KTN1: variants seen among roughly 807,000 people sequenced by gnomAD.
KTN1 encodes the protein kinectin 1.
A neutral mutation model predicts 222.5 loss-of-function variants in KTN1; 130 were observed. That is an observed-to-expected ratio of 0.58 (90% CI 0.51 to 0.68). KTN1 has a LOEUF of 0.68. Ranked by LOEUF, KTN1 falls within the 30% of genes least tolerant of loss-of-function variation. KTN1 has a pLI of 0.00. For missense variants in KTN1, 1,508 were observed against 1,500.4 expected (o/e 1.01, Z -0.08); for synonymous variants, 512 against 496.3 (o/e 1.03, Z -0.42).
At chr14:55,650,780 G>A (rs1253785510) in intron 24 of KTN1, 143 bp downstream of exon 24, 1 of 546,094 alleles carries the variant, frequency 1.8e-6, no homozygotes. Context: ...TTTTTTGCCT[G>A]ATTTGAGAAA....
rs370535364 is a variant in KTN1, at chr14:55,650,365, G to T, written c.2443G>T (p.Glu815Ter). The change falls in exon 23 of 44, where the codon GAG (glutamate) becomes TAG (stop). Residue 815 changes from glutamate (E) to a stop codon, truncating the protein, a stop_gained. Transcript: ENST00000395314. LOFTEE classifies it high-confidence loss of function. ...EKDGKIKSVE[E>*]LLEAELLKVA... ...AGATGGAAAGATCAAGTCTGTAGAA[G>T]AGCTTCTGGAGGCAGAACTTCTCAA... 1 of 1,610,898 alleles carries T rather than the reference G, an allele frequency of 6.2e-7. No individual in the cohort carries two copies. Among genetic ancestry groups the T allele is most frequent in the Non-Finnish European group, 8.5e-7 (1 of 1,178,774 alleles).
chr14:55,667,327 T>C lies in KTN1; in HGVS notation c.3264T>C (p.Asn1088=). Reference sequence around the variant, plus strand: ...TTCCAAAGGTGTCTGTCCCTTCTAATTTGGTAAGACTAATTTATTATTTTT... The same window carrying C: ...TTCCAAAGGTGTCTGTCCCTTCTAACTTGGTAAGACTAATTTATTATTTTT... ...KLFPKVSVPS[N]LSYGEWLHGF... is the part of the protein sequence containing the mutation. The change falls in exon 34 of 44, where the codon AAT becomes AAC. Residue 1088 remains asparagine (N), a synonymous_variant. Transcript: ENST00000395314. 1 of 1,556,594 alleles carries C rather than the reference T, an allele frequency of 6.4e-7. No homozygotes were observed. Among genetic ancestry groups the C allele is most frequent in the Non-Finnish European group, 8.8e-7 (1 of 1,136,974 alleles).
chr14:55,636,170 A>G (rs2041104499), intron 9 of KTN1, among the ~76,000 whole-genome samples: 1 of 152,238 alleles, frequency 6.6e-6, no homozygotes, highest in African/African-American at 2.4e-5. Context: ...TGTATATAGT[A>G]GTAGCTATCT....
intron 41 of KTN1, among the ~76,000 whole-genome samples, chr14:55,677,306 G>A (rs571913461): frequency 3.3e-5 from 5 of 151,938 alleles, no homozygotes; most frequent in South Asian, 2.1e-4. Flanking sequence ...TGAAACCCCC[G>A]TCTCTACTAA....
At position 55,612,367 on chromosome 14, in the gene KTN1, A is replaced by T. The variant is rs779730040; in HGVS notation, c.319A>T (p.Thr107Ser). The change falls in exon 2 of 44, where the codon ACT becomes TCT. Residue 107 changes from threonine to serine, a missense_variant. Coordinates refer to ENST00000395314, the MANE Select transcript of KTN1 (RefSeq NM_001079521.2). Reference sequence around the variant, plus strand: ...ACCTGTTCCATTGAATGTCGTTGAAACTTCAAGTAGTGTTAGGGAAAGAAA... The same window carrying T: ...ACCTGTTCCATTGAATGTCGTTGAATCTTCAAGTAGTGTTAGGGAAAGAAA... Reference protein sequence around the residue: ...VAPVPLNVVETSSSVRERKKK... With the variant: ...VAPVPLNVVESSSSVRERKKK... The T allele has an allele frequency of 1.2e-6, 2 of 1,614,140 alleles. No individual in the cohort carries two copies. The highest frequency in any genetic ancestry group is 3.3e-5 in the Admixed American group (2 of 60,016).
At chr14:55,641,378 A>G (rs1031529101) in intron 17 of KTN1, among the ~76,000 whole-genome samples, 170 bp downstream of exon 17, 1 of 152,034 alleles carries the variant, frequency 6.6e-6, no homozygotes, top group Non-Finnish European at 1.5e-5. Flanking sequence ...CTTTCCCCCT[A>G]GATTATCTGT....
At position 55,678,300 on chromosome 14, in the gene KTN1, A is replaced by T. The variant is rs45458197; in HGVS notation, c.3856-52A>T. On this transcript the variant is annotated intron_variant, in intron 41 of 43. Coordinates refer to ENST00000395314, the MANE Select transcript of KTN1 (RefSeq NM_001079521.2). The stretch of plus-strand genomic sequence containing the variant: ...AAATGAATAAAATTATTCATTTTTT[A>T]TGTATTTATCAACTGTATTACTTAG... The T allele has an allele frequency of 0.075, 73,243 of 978,594 alleles. 3,202 individuals carry two copies. The highest frequency in any genetic ancestry group is 0.09 in the Non-Finnish European group (56,005 of 625,694). The allele number at this position is 978,594 out of a possible 1,614,324, so 60.6% of individuals were successfully genotyped here.
At chr14:55,631,366 A>ATATATG (rs1166499462) in intron 7 of KTN1, among the ~76,000 whole-genome samples, 4 of 145,956 alleles carry the variant, frequency 2.7e-5, no homozygotes, top group Non-Finnish European at 4.5e-5. Flanking sequence ...ATATATATAT[A>ATATATG]TATGTATTTT....
intron 1 of KTN1, among the ~76,000 whole-genome samples, chr14:55,608,775 G>A (rs1028291284): frequency 6.6e-6 from 1 of 151,746 alleles, no homozygotes; most frequent in Non-Finnish European, 1.5e-5. Context: ...GATTACAGGC[G>A]CGTACCACCA....
chr14:55,630,214 T>G, intron 7 of KTN1, 117 bp downstream of exon 7: 1 of 891,328 alleles, frequency 1.1e-6, no homozygotes, highest in Non-Finnish European at 1.8e-6. Flanking sequence ...CAGTGGCTAG[T>G]GAAGTTCACT....
chr14:55,641,002 T>G, intron 16 of KTN1, 32 bp downstream of exon 16: 1 of 1,566,472 alleles, frequency 6.4e-7, no homozygotes, highest in Non-Finnish European at 8.8e-7. Context: ...TAGTCGTTCA[T>G]ACATTTATGT....
chr14:55,681,795 A>G (rs974832852), intron 43 of KTN1: 1 of 152,126 alleles, frequency 6.6e-6, no homozygotes, highest in East Asian at 1.9e-4. Context: ...TCTACCTGGC[A>G]TTGACATTGA....
chr14:55,641,141 A>G lies in KTN1; in HGVS notation c.2036A>G (p.Asp679Gly). 3.2e-6 allele frequency: 5 copies of G among 1,585,096 alleles called. No homozygotes were observed. Among genetic ancestry groups the G allele is most frequent in the African/African-American group, 1.4e-5 (1 of 73,488 alleles). ...CACCCTCATAGTGTTTATGTTAAAG[A>G]TGATAAAATAAGATTGCTGGAAGAG... The part of the protein sequence containing the change: ...EKMQQSVYVK[D>G]DKIRLLEEQL... Residue 679 changes from aspartate (D) to glycine (G), a missense_variant, in exon 17 of 44, where the codon GAT becomes GGT. By Grantham distance (94) the Asp-to-Gly change is moderately conservative. Transcript: ENST00000395314.
At chr14:55,619,785 G>C (rs1239354199) in intron 5 of KTN1, among the ~76,000 whole-genome samples, 1 of 152,092 alleles carries the variant, frequency 6.6e-6, no homozygotes, top group Non-Finnish European at 1.5e-5. Context: ...CTACAATTCA[G>C]GATGAGATTT....
In KTN1 at chr14:55,637,348, T is replaced by C; in HGVS notation, c.1700T>C (p.Leu567Pro). The C allele has an allele frequency of 6.4e-7, 1 of 1,560,988 alleles. No homozygotes were observed. The highest frequency in any genetic ancestry group is 2.3e-5 in the East Asian group (1 of 44,332). Reference sequence around the variant, plus strand: ...AAAAGGGTGAACAAAGAAGAGTCTCTACAAATGCAGGTTCAGGTATTTTTT... The same window carrying C: ...AAAAGGGTGAACAAAGAAGAGTCTCCACAAATGCAGGTTCAGGTATTTTTT... Reference protein sequence around the residue: ...EQKRVNKEESLQMQVQDILEQ... With the variant: ...EQKRVNKEESPQMQVQDILEQ... The change falls in exon 11 of 44, where the codon CTA (leucine) becomes CCA (proline). Residue 567 changes from leucine to proline, a missense_variant. Coordinates refer to ENST00000395314, the MANE Select transcript of KTN1 (RefSeq NM_001079521.2).
intron 1 of KTN1, among the ~76,000 whole-genome samples, chr14:55,590,045 T>C (rs1055808476): frequency 2.0e-5 from 3 of 152,226 alleles, no homozygotes; most frequent in African/African-American, 7.2e-5. Context: ...AGATATTTTC[T>C]GTAAACATTT....
intron 31 of KTN1, among the ~76,000 whole-genome samples, chr14:55,660,574 T>TC (rs753402271): frequency 1.3e-5 from 2 of 152,140 alleles, no homozygotes; most frequent in Non-Finnish European, 1.5e-5. Flanking sequence ...TAATTTTTTT[T>TC]CTTTTAATCT....
intron 1 of KTN1, among the ~76,000 whole-genome samples, chr14:55,586,134 A>G (rs1190620262): frequency 6.6e-6 from 1 of 152,166 alleles, no homozygotes; most frequent in Non-Finnish European, 1.5e-5. Context: ...CAGGTCTTAG[A>G]CCTTATTAAC....
chr14:55,590,424 C>T (rs950119637), intron 1 of KTN1, among the ~76,000 whole-genome samples: 5 of 152,096 alleles, frequency 3.3e-5, no homozygotes, highest in Non-Finnish European at 7.4e-5. Flanking sequence ...TTTAAGAGTA[C>T]GTGTAAGATA....
Sources: allele counts gnomAD v4.1 joint callset (sites outside exome capture counted in the v4.1 genomes callset), GRCh38; gene constraint gnomAD v4.1.1; transcripts MANE v1.5; gene names NCBI Gene and HGNC (gene_info 2026-07-23, HGNC 2026-07-21).